SLC44A5: variants seen among roughly 807,000 people sequenced by gnomAD.
The protein encoded by SLC44A5 is solute carrier family 44 member 5.
A neutral mutation model predicts 101.8 loss-of-function variants in SLC44A5; 57 were observed. The ratio of observed to expected loss-of-function variants is 0.56; its 90% CI spans 0.45 to 0.70. The LOEUF (loss-of-function observed/expected upper bound fraction) is 0.70. Ranked by LOEUF, SLC44A5 falls within the 30% of genes least tolerant of loss-of-function variation. The pLI, the probability that SLC44A5 is intolerant of heterozygous loss-of-function variation, is 0.00. For synonymous variants in SLC44A5, 281 were observed against 290.9 expected (o/e 0.97, Z 0.35); for missense variants, 737 against 853.1 (o/e 0.86, Z 1.70).
intron 6 of SLC44A5, among the ~76,000 whole-genome samples, chr1:75,271,830 C>G (rs1025089139): frequency 6.6e-6 from 1 of 151,926 alleles, no homozygotes; most frequent in African/African-American, 2.4e-5. Flanking sequence ...GGGTAGATAC[C>G]CAGTAATGGG....
chr1:75,493,450 C>T (rs749890587), intron 2 of SLC44A5, among the ~76,000 whole-genome samples: 7 of 151,896 alleles, frequency 4.6e-5, no homozygotes, highest in African/African-American at 7.3e-5. Context: ...TATGCAAGAA[C>T]AAACAGAATT....
At chr1:75,369,080 CA>C (rs1205705044) in intron 3 of SLC44A5, among the ~76,000 whole-genome samples, 3 of 151,832 alleles carry the variant, frequency 2.0e-5, no homozygotes, top group African/African-American at 7.3e-5. Context: ...TGCCATAATC[CA>C]TAACTCACTG....
intron 6 of SLC44A5, 40 bp from the exon 7 acceptor site, chr1:75,251,334 A>G: frequency 6.6e-7 from 1 of 1,521,430 alleles, no homozygotes; most frequent in Non-Finnish European, 9.1e-7. Flanking sequence ...GTGACCATGG[A>G]AATGTTCCAT....
chr1:75,265,997 AC>A (rs1650953822), intron 6 of SLC44A5, among the ~76,000 whole-genome samples: 2 of 152,304 alleles, frequency 1.3e-5, no homozygotes, highest in Middle Eastern at 3.4e-3. Flanking sequence ...AAAGTTACAC[AC>A]AACAACAAAG....
At chr1:75,300,014 CAAAAA>C (rs35608663) in intron 5 of SLC44A5, among the ~76,000 whole-genome samples, 1 of 93,778 alleles carries the variant, frequency 1.1e-5, no homozygotes, top group Non-Finnish European at 2.0e-5. Flanking sequence ...GACTCTGTCT[CAAAAA>C]AAAAAAAAAA....
At chr1:75,222,999 G>T (rs900916494) in intron 13 of SLC44A5, among the ~76,000 whole-genome samples, 7 of 152,080 alleles carry the variant, frequency 4.6e-5, no homozygotes, top group African/African-American at 1.7e-4. Flanking sequence ...ATAAGTATTA[G>T]AATTTAAACT....
intron 6 of SLC44A5, among the ~76,000 whole-genome samples, chr1:75,259,459 G>C (rs371736704): frequency 6.6e-6 from 1 of 151,960 alleles, no homozygotes; most frequent in Non-Finnish European, 1.5e-5. Flanking sequence ...ATGAAATAAA[G>C]TGAGAAGACA....
the SLC44A5 span, among the ~76,000 whole-genome samples, chr1:75,662,226 A>C: frequency 6.6e-6 from 1 of 152,120 alleles, no homozygotes; most frequent in Non-Finnish European, 1.5e-5. Flanking sequence ...GGGGGACATT[A>C]TGTTAAGTGA....
At chr1:75,483,753 G>C (rs1299607872) in intron 2 of SLC44A5, among the ~76,000 whole-genome samples, 2 of 152,120 alleles carry the variant, frequency 1.3e-5, no homozygotes, top group Non-Finnish European at 2.9e-5. Context: ...CTGCTATAAA[G>C]AGCTACCTAA....
At chr1:75,313,818 G>C (rs1261207975) in intron 4 of SLC44A5, among the ~76,000 whole-genome samples, 1 of 152,038 alleles carries the variant, frequency 6.6e-6, no homozygotes, top group Non-Finnish European at 1.5e-5. Context: ...TAAAGATTGA[G>C]AAAGAAAAAG....
the SLC44A5 span, among the ~76,000 whole-genome samples, chr1:75,717,490 A>G: frequency 6.6e-6 from 1 of 152,330 alleles, no homozygotes; most frequent in East Asian, 1.9e-4. Flanking sequence ...AGGGAGATCA[A>G]AAAACTACCT....
intron 3 of SLC44A5, among the ~76,000 whole-genome samples, chr1:75,350,469 G>A (rs112092464): frequency 2.6e-5 from 4 of 151,604 alleles, no homozygotes; most frequent in African/African-American, 9.7e-5. Flanking sequence ...AAATATACAA[G>A]CTCAAGTTTA....
chr1:75,326,519 G>C (rs1656611970), intron 4 of SLC44A5, among the ~76,000 whole-genome samples: 1 of 152,014 alleles, frequency 6.6e-6, no homozygotes, highest in South Asian at 2.1e-4. Context: ...TGGTATATAA[G>C]GTTAAGGAAG....
intron 10 of SLC44A5, among the ~76,000 whole-genome samples, chr1:75,237,298 G>A (rs138481554): frequency 0.011 from 1,606 of 152,088 alleles, 14 homozygotes; most frequent in Middle Eastern, 0.061. Flanking sequence ...TTTCAAGAAC[G>A]GTGAACAAAT....
At chr1:75,632,431 C>T in the SLC44A5 span, among the ~76,000 whole-genome samples, 1 of 151,470 alleles carries the variant, frequency 6.6e-6, no homozygotes, top group African/African-American at 2.4e-5. Flanking sequence ...ATAATTCAAA[C>T]AAGGATCATC....
chr1:75,335,600 G>A (rs2101017206), intron 4 of SLC44A5, among the ~76,000 whole-genome samples: 1 of 152,220 alleles, frequency 6.6e-6, no homozygotes, highest in South Asian at 2.1e-4. Flanking sequence ...GAGAGTTCTT[G>A]GATGGACAGA....
chr1:75,461,909 G>T (rs1419818716), intron 2 of SLC44A5, among the ~76,000 whole-genome samples: 1 of 152,194 alleles, frequency 6.6e-6, no homozygotes, highest in African/African-American at 2.4e-5. Flanking sequence ...TTTGACTCTA[G>T]TTCCTGGCTC....
At chr1:75,675,016 C>T in the SLC44A5 span, among the ~76,000 whole-genome samples, 1 of 152,044 alleles carries the variant, frequency 6.6e-6, no homozygotes, top group African/African-American at 2.4e-5. Flanking sequence ...ACTGTAGAGC[C>T]TTGTGGTAGT....
chr1:75,587,101 G>T (rs1674052320), intron 1 of SLC44A5, among the ~76,000 whole-genome samples: 1 of 152,040 alleles, frequency 6.6e-6, no homozygotes, highest in South Asian at 2.1e-4. Context: ...AACATCTAGT[G>T]AATGAAAGTC....
Sources: allele counts gnomAD v4.1 joint callset (sites outside exome capture counted in the v4.1 genomes callset), GRCh38; gene constraint gnomAD v4.1.1; transcripts MANE v1.5; gene names NCBI Gene and HGNC (gene_info 2026-07-23, HGNC 2026-07-21).